WDR89: variants seen among roughly 807,000 people sequenced by gnomAD.
WDR89 encodes WD repeat domain 89.
Under a neutral mutation model 29.1 loss-of-function variants are expected in WDR89, and 17 were observed. That is an observed-to-expected ratio of 0.58 (90% CI 0.40 to 0.88). The LOEUF (loss-of-function observed/expected upper bound fraction) is 0.88. Among genes scored for constraint, WDR89 ranks in the 40% least tolerant of loss-of-function variants. WDR89 has a pLI of 0.00. For missense variants in WDR89, 396 were observed against 456.3 expected, an observed-to-expected ratio of 0.87 and a Z score of 1.20; for synonymous variants, 138 against 157.8, an observed-to-expected ratio of 0.87 and a Z score of 0.94.
intron 2 of WDR89, among the ~76,000 whole-genome samples, chr14:63,610,679 G>A (rs992951771): frequency 6.6e-6 from 1 of 151,494 alleles, no homozygotes; most frequent in Non-Finnish European, 1.5e-5. Context: ...CCCAATTTGA[G>A]GAATATTCTT....
chr14:63,597,164 G>A lies in WDR89; in HGVS notation c.*1615C>T, dbSNP rs560868010. On this transcript the variant is annotated 3_prime_UTR_variant, in exon 3 of 3. Transcript: ENST00000620954. The stretch of plus-strand genomic sequence containing the variant: ...GCACCTTCTTCACAAGGCTTCAGGA[G>A]AAAGAGTGAGGAGTTAAAGGGGCAG... 7.9e-4 allele frequency: 121 copies of A among 152,302 alleles called. No homozygotes were observed. The highest frequency in any genetic ancestry group is 2.6e-3 in the African/African-American group (110 of 41,584). 9.4% of individuals were successfully genotyped at this position (152,302 alleles called of 1,614,324 possible). A position where few individuals can be genotyped will look rare whatever the true frequency, so the allele number is the denominator to read the frequency against.
intron 2 of WDR89, among the ~76,000 whole-genome samples, chr14:63,610,694 T>TAA: frequency 6.7e-6 from 1 of 150,172 alleles, no homozygotes; most frequent in East Asian, 1.9e-4. Context: ...ATTCTTTTCT[T>TAA]TTCTTTTCTT....
In WDR89 at chr14:63,630,232, G is replaced by C. The variant is rs190552520; in HGVS notation, c.-137-5199C>G. On this transcript the variant is annotated intron_variant, in intron 1 of 2. Coordinates refer to ENST00000620954, the MANE Select transcript of WDR89 (RefSeq NM_080666.4). ...CAAAGTGCTGGGATTACAGGCGTGA[G>C]CCACTGCACCCAACCCAGAGTCACA... Among the ~76,000 whole-genome samples the C allele has an allele frequency of 3.3e-3, 503 of 151,792 alleles. 1 individual carries two copies. Among genetic ancestry groups the C allele is most frequent in the African/African-American group, 0.012 (484 of 41,420 alleles).
chr14:63,614,805 T>C (rs1595025583), intron 2 of WDR89, among the ~76,000 whole-genome samples: 1 of 152,214 alleles, frequency 6.6e-6, no homozygotes, highest in South Asian at 2.1e-4. Context: ...TAGTGGAAGG[T>C]ATGCTAAACT....
chr14:63,608,052 A>G (rs1352710035), intron 2 of WDR89, among the ~76,000 whole-genome samples: 1 of 149,088 alleles, frequency 6.7e-6, no homozygotes, highest in Non-Finnish European at 1.5e-5. Context: ...CTAAGAATAC[A>G]AAAATAAGCT....
chr14:63,627,901 T>A (rs894322648), intron 1 of WDR89, among the ~76,000 whole-genome samples: 3 of 152,098 alleles, frequency 2.0e-5, no homozygotes, highest in Non-Finnish European at 2.9e-5. Context: ...AGAAAGTTAT[T>A]TCAATACTTG....
chr14:63,609,139 G>A lies in WDR89; in HGVS notation c.-31-9166C>T, dbSNP rs115645037. ...AAAAAAAACCCAAAAAAACAAAAAC[G>A]AAGACTGGTACTAGGACAGAGGTGA... is the stretch of plus-strand genomic sequence containing the variant. On this transcript the variant is annotated intron_variant, in intron 2 of 2. Transcript: ENST00000620954. 6.0e-3 allele frequency among the ~76,000 whole-genome samples: 906 copies of A among 150,994 alleles called. 11 individuals are homozygous for A. The highest frequency in any genetic ancestry group is 0.021 in the African/African-American group (862 of 41,248).
chr14:63,627,574 C>G (rs1268604662), intron 1 of WDR89, among the ~76,000 whole-genome samples: 1 of 152,196 alleles, frequency 6.6e-6, no homozygotes, highest in African/African-American at 2.4e-5. Flanking sequence ...ATTCATCCCT[C>G]TGCTCATCCT....
chr14:63,605,120 G>C (rs1441488324), intron 2 of WDR89, among the ~76,000 whole-genome samples: 2 of 151,832 alleles, frequency 1.3e-5, no homozygotes, highest in Non-Finnish European at 2.9e-5. Context: ...CTGCACTTCA[G>C]CCTCGGCGAC....
At chr14:63,637,553 G>GGT (rs138810519) in intron 1 of WDR89, among the ~76,000 whole-genome samples, 28 of 151,528 alleles carry the variant, frequency 1.8e-4, no homozygotes, top group South Asian at 1.7e-3. Context: ...CACTGTGGTG[G>GGT]GTGTGTGTGT....
intron 1 of WDR89, among the ~76,000 whole-genome samples, chr14:63,636,091 C>A (rs1159632435): frequency 2.0e-5 from 3 of 152,118 alleles, no homozygotes; most frequent in Non-Finnish European, 4.4e-5. Context: ...CACCTGTAGT[C>A]CCAGCTACTT....
intron 2 of WDR89, among the ~76,000 whole-genome samples, chr14:63,610,930 G>A (rs1452322228): frequency 6.6e-6 from 1 of 151,776 alleles, no homozygotes; most frequent in East Asian, 2.0e-4. Flanking sequence ...TCGAACTCCT[G>A]ACCTTGTAAT....
At chr14:63,627,647 A>T in intron 1 of WDR89, among the ~76,000 whole-genome samples, 1 of 152,174 alleles carries the variant, frequency 6.6e-6, no homozygotes, top group East Asian at 1.9e-4. Context: ...CAGAATGTCA[A>T]ATGGTTAGAA....
chr14:63,640,955 GGGCGTGGTGCCA>G (rs1224971119), intron 1 of WDR89, among the ~76,000 whole-genome samples: 3 of 149,802 alleles, frequency 2.0e-5, no homozygotes, highest in Non-Finnish European at 4.5e-5. Context: ...AAAATTAGCC[GGGCGTGGTGCCA>G]GGCGCCTATA....
chr14:63,638,865 A>G (rs968546937), intron 1 of WDR89, among the ~76,000 whole-genome samples: 1 of 152,326 alleles, frequency 6.6e-6, no homozygotes, highest in South Asian at 2.1e-4. Flanking sequence ...CCTCAAAGAT[A>G]CAAAGGTCTT....
chr14:63,599,108 C>A lies in WDR89; in HGVS notation c.835G>T (p.Gly279Cys). 6.2e-7 allele frequency: 1 copy of A among 1,614,080 alleles called. No homozygotes were observed. Among genetic ancestry groups the A allele is most frequent in the Non-Finnish European group, 8.5e-7 (1 of 1,180,034 alleles). Reference sequence around the variant, plus strand: ...TCTGTCTTTTCATGATATAGGCCACCAATCAAATAGTCCAAAGCATCTTCT... The same window carrying A: ...TCTGTCTTTTCATGATATAGGCCACAAATCAAATAGTCCAAAGCATCTTCT... The part of the protein sequence containing the change: ...MKEDALDYLI[G>C]GLYHEKTDTL... The change falls in exon 3 of 3, where the codon GGT becomes TGT. Residue 279 changes from glycine to cysteine, a missense_variant. Gly to Cys is a radical substitution (Grantham distance 159). Transcript: ENST00000620954.
At chr14:63,601,775 AT>A in intron 2 of WDR89, 1 of 1,269,152 alleles carries the variant, frequency 7.9e-7, no homozygotes. Context: ...ATTATTTCCT[AT>A]TTAGAGATGG....
Position 63,597,131 on chromosome 14 carries a change from G to T in WDR89, c.*1648C>A, listed in dbSNP as rs1894834728. 1 of 152,368 alleles carries T rather than the reference G, an allele frequency of 6.6e-6. No individual in the cohort carries two copies. The highest frequency in any genetic ancestry group is 3.4e-3 in the Middle Eastern group (1 of 294). The allele number at this position is 152,368 out of a possible 1,614,324, so 9.4% of individuals were successfully genotyped here. On this transcript the variant is annotated 3_prime_UTR_variant, in exon 3 of 3. Transcript: ENST00000620954. ...TACAATCATGGGGGAACGCAAAGGGGAAGCAAAGCACCTTCTTCACAAGGC... is the reference window on the plus strand; with the variant it reads ...TACAATCATGGGGGAACGCAAAGGGTAAGCAAAGCACCTTCTTCACAAGGC...
intron 2 of WDR89, among the ~76,000 whole-genome samples, chr14:63,601,245 C>T (rs781208762): frequency 3.4e-4 from 52 of 151,788 alleles, no homozygotes; most frequent in Middle Eastern, 6.8e-3. Flanking sequence ...CAATAGGAAA[C>T]GAATACAACA....
Sources: allele counts gnomAD v4.1 joint callset (sites outside exome capture counted in the v4.1 genomes callset), GRCh38; gene constraint gnomAD v4.1.1; transcripts MANE v1.5; gene names NCBI Gene and HGNC (gene_info 2026-07-23, HGNC 2026-07-21).